Variants in RGL1 observed in about 807,000 individuals in gnomAD.
RGL1 encodes the protein ral guanine nucleotide dissociation stimulator like 1, also known as ral guanine nucleotide dissociation stimulator-like 1.
RGL1 carries 24 observed loss-of-function variants against 95.2 expected under a neutral mutation model. That is an observed-to-expected ratio of 0.25 (90% CI 0.18 to 0.35). The LOEUF (loss-of-function observed/expected upper bound fraction) is 0.35, where lower values mean the gene tolerates loss of function less well. RGL1 is among the 10% of genes least tolerant of loss of function. The pLI, the probability that RGL1 is intolerant of heterozygous loss-of-function variation, is 1.00. For missense variants in RGL1, 715 were observed against 936.3 expected (o/e 0.76, Z 3.08); for synonymous variants, 329 against 344.9 (o/e 0.95, Z 0.51).
At chr1:183,907,125 G>T in intron 14 of RGL1, 24 bp downstream of exon 14, 2 of 1,458,894 alleles carry the variant, frequency 1.4e-6, no homozygotes, top group Non-Finnish European at 1.9e-6. Flanking sequence ...GGGGGTTCTG[G>T]GGCTCCAAGA....
intron 14 of RGL1, among the ~76,000 whole-genome samples, chr1:183,909,774 C>T (rs970915232): frequency 4.6e-5 from 7 of 152,080 alleles, no homozygotes; most frequent in Non-Finnish European, 2.9e-5. Flanking sequence ...TAGGTTCAGC[C>T]CACGTGCTAG....
At chr1:183,785,305 G>T (rs895302668) in intron 2 of RGL1, among the ~76,000 whole-genome samples, 1 of 152,030 alleles carries the variant, frequency 6.6e-6, no homozygotes, top group African/African-American at 2.4e-5. Flanking sequence ...GTATTCTTTG[G>T]CATCCATGCC....
chr1:183,676,597 A>G (rs1006410339), intron 1 of RGL1, among the ~76,000 whole-genome samples: 2 of 151,408 alleles, frequency 1.3e-5, no homozygotes, highest in African/African-American at 4.8e-5. Flanking sequence ...GGCAAGTAGA[A>G]CTACCCTGTT....
chr1:183,912,185 G>A lies in RGL1; in HGVS notation c.1666G>A (p.Val556Met), dbSNP rs766605243. 1.7e-5 allele frequency: 28 copies of A among 1,613,948 alleles called. No homozygotes were observed. Among genetic ancestry groups the A allele is most frequent in the South Asian group, 7.7e-5 (7 of 91,074 alleles). ...TGGTGAAAGCATGGACTCTGTCAGCGTGTCATCCTGCGAGTCGAACCACTC... is the reference window on the plus strand; with the variant it reads ...TGGTGAAAGCATGGACTCTGTCAGCATGTCATCCTGCGAGTCGAACCACTC... Reference protein sequence around the residue: ...SSGESMDSVSVSSCESNHSEA... With the variant: ...SSGESMDSVSMSSCESNHSEA... Residue 556 changes from valine (V) to methionine (M), a missense_variant, in exon 15 of 18, where the codon GTG becomes ATG. Transcript: ENST00000360851.
intron 7 of RGL1, 40 bp from the exon 8 acceptor site, chr1:183,888,434 T>C (rs760906681): frequency 2.6e-6 from 3 of 1,154,058 alleles, no homozygotes; most frequent in South Asian, 2.5e-5. Context: ...GTAATATTGA[T>C]AGTTAAATGC....
intron 5 of RGL1, among the ~76,000 whole-genome samples, chr1:183,881,343 G>A (rs948356325): frequency 3.3e-5 from 5 of 152,318 alleles, no homozygotes; most frequent in African/African-American, 9.6e-5. Context: ...CCCTGCCAGT[G>A]CAGATTGTCA....
At position 183,797,260 on chromosome 1, in the gene RGL1, C is replaced by T. The variant is rs999671996; in HGVS notation, c.133-9115C>T. On this transcript the variant is annotated intron_variant, in intron 2 of 18. Coordinates refer to the RGL1 transcript ENST00000304685. ...AGGAGAATCGCTTGAACCCAGGAGC[C>T]GGCAGTTGCAGTGAGCTGGGATGGC... 7.8e-4 allele frequency among the ~76,000 whole-genome samples: 118 copies of T among 152,074 alleles called. 1 individual carries two copies. Among genetic ancestry groups the T allele is most frequent in the Non-Finnish European group, 3.8e-4 (26 of 68,020 alleles).
intron 2 of RGL1, among the ~76,000 whole-genome samples, chr1:183,834,645 C>T (rs1663509192): frequency 6.6e-6 from 1 of 152,054 alleles, no homozygotes; most frequent in South Asian, 2.1e-4. Flanking sequence ...CTTAGTACCT[C>T]ATTTGAGTTC....
chr1:183,833,587 A>G (rs1355406970), intron 2 of RGL1, among the ~76,000 whole-genome samples: 7 of 152,362 alleles, frequency 4.6e-5, no homozygotes, highest in African/African-American at 1.7e-4. Context: ...CTTGTTTATT[A>G]GTGAGATTTT....
Position 183,916,604 on chromosome 1 carries a change from C to T in RGL1, c.1907C>T (p.Thr636Ile), listed in dbSNP as rs1558293598. 2 of 1,613,970 alleles carry T rather than the reference C, an allele frequency of 1.2e-6. No homozygotes were observed. The highest frequency in any genetic ancestry group is 1.7e-5 in the Admixed American group (1 of 60,012). ...GTCTCGGTGACGTCCATTACCTCGA[C>T]TGTGCTGCCTCCTGTTTACAACCAA... ...RSVSVTSITS[T>I]VLPPVYNQQN... Residue 636 changes from threonine to isoleucine, a missense_variant, in exon 16 of 18, where the codon ACT becomes ATT. Physicochemically the swap from Thr to Ile is moderately conservative, Grantham distance 89 (BLOSUM62 -1). This residue lies in a region of RGL1 where 330 missense variants were observed against 429.6 expected (regional missense o/e 0.77). Coordinates refer to ENST00000360851, the MANE Select transcript of RGL1 (RefSeq NM_001297671.3).
chr1:183,872,084 A>G (rs1336079935), intron 4 of RGL1, among the ~76,000 whole-genome samples: 2 of 152,220 alleles, frequency 1.3e-5, no homozygotes, highest in Non-Finnish European at 2.9e-5. Flanking sequence ...TTCTGCCTAT[A>G]TTCATTCTAC....
At chr1:183,682,344 G>C (rs1272052777) in intron 1 of RGL1, among the ~76,000 whole-genome samples, 1 of 152,252 alleles carries the variant, frequency 6.6e-6, no homozygotes, top group Non-Finnish European at 1.5e-5. Context: ...CTTTAAATGT[G>C]TCCCAGAGAT....
upstream of RGL1, among the ~76,000 whole-genome samples, chr1:183,802,623 C>G (rs1455916571): frequency 1.0e-5 from 1 of 96,648 alleles, no homozygotes; most frequent in African/African-American, 3.1e-5. Flanking sequence ...AAAAAAAAAC[C>G]CTTATAAACT....
intron 2 of RGL1, among the ~76,000 whole-genome samples, chr1:183,798,124 A>G (rs1395311863): frequency 3.1e-4 from 47 of 152,204 alleles, no homozygotes; most frequent in Non-Finnish European, 2.9e-5. Flanking sequence ...TGTGCTCAGT[A>G]GTACTAAGGT....
chr1:183,881,710 C>A (rs111339705), intron 5 of RGL1, among the ~76,000 whole-genome samples: 30 of 152,226 alleles, frequency 2.0e-4, no homozygotes, highest in African/African-American at 6.3e-4. Context: ...GACCTAAATT[C>A]CAAACAATAC....
chr1:183,742,065 G>T, intron 1 of RGL1: 2 of 1,402,002 alleles, frequency 1.4e-6, no homozygotes, highest in South Asian at 2.7e-5. Context: ...AATTTGCTTC[G>T]ATGTCTCTTT....
chr1:183,642,949 C>G (rs143930312), intron 1 of RGL1, among the ~76,000 whole-genome samples: 1 of 152,206 alleles, frequency 6.6e-6, no homozygotes, highest in Non-Finnish European at 1.5e-5. Flanking sequence ...CAATAACTCC[C>G]TGTTCCCTGC....
upstream of RGL1, among the ~76,000 whole-genome samples, chr1:183,801,179 T>TGTG (rs367907447): frequency 0.22 from 27,770 of 126,044 alleles, 2,988 homozygotes; most frequent in Non-Finnish European, 0.28. Context: ...GTGTGTGTGT[T>TGTG]TAATAATGGC....
Position 183,752,862 on chromosome 1 carries a change from T to C in RGL1, c.132+10573T>C, listed in dbSNP as rs144698015. Among the ~76,000 whole-genome samples the C allele has an allele frequency of 2.5e-3, 380 of 152,178 alleles. 2 individuals are homozygous for C. Among genetic ancestry groups the C allele is most frequent in the African/African-American group, 8.5e-3 (353 of 41,514 alleles). On this transcript the variant is annotated intron_variant, in intron 2 of 18. Transcript: ENST00000304685. Reference sequence around the variant, plus strand: ...CACTGGAAGGGGAGCTAGCATAAAGTTTAACTTGTATTATTTTGAATGTAA... The same window carrying C: ...CACTGGAAGGGGAGCTAGCATAAAGCTTAACTTGTATTATTTTGAATGTAA...
Sources: gnomAD v4.1 joint callset for allele counts (sites outside exome capture counted in the v4.1 genomes callset) on GRCh38, gnomAD v4.1.1 for gene constraint, gnomAD v4.1.1 regional missense constraint, MANE v1.5 for transcripts, NCBI Gene and HGNC (gene_info 2026-07-23, HGNC 2026-07-21) for gene names.